CFAP57: variants seen among roughly 807,000 people sequenced by gnomAD.
CFAP57 encodes the protein cilia- and flagella-associated protein 57.
A neutral mutation model predicts 146.8 loss-of-function variants in CFAP57; 116 were observed. The ratio of observed to expected loss-of-function variants is 0.79; its 90% CI spans 0.68 to 0.92. The LOEUF is 0.92. Ranked by LOEUF, CFAP57 falls within the 40% of genes least tolerant of loss-of-function variation. The pLI is 0.00. For synonymous variants in CFAP57, 518 were observed against 552.8 expected (o/e 0.94, Z 0.88); for missense variants, 1,377 against 1,527.2 (o/e 0.90, Z 1.64).
At chr1:43,204,123 G>T (rs1363043005) in intron 9 of CFAP57, among the ~76,000 whole-genome samples, 1 of 152,140 alleles carries the variant, frequency 6.6e-6, no homozygotes, top group African/African-American at 2.4e-5. Flanking sequence ...GCCTTCCAGT[G>T]AATTTTTCGT....
At chr1:43,208,650 G>T (rs1391736691) in intron 10 of CFAP57, among the ~76,000 whole-genome samples, 1 of 152,156 alleles carries the variant, frequency 6.6e-6, no homozygotes, top group Non-Finnish European at 1.5e-5. Flanking sequence ...GTCGTGGGAT[G>T]GGGGGAACAG....
chr1:43,247,551 T>TA (rs1557838090), intron 22 of CFAP57, among the ~76,000 whole-genome samples: 1 of 152,216 alleles, frequency 6.6e-6, no homozygotes, highest in Admixed American at 6.5e-5. Context: ...TTAACTGTAT[T>TA]AAAAAAGAAC....
At chr1:43,212,980 C>T (rs1466588233) in intron 11 of CFAP57, among the ~76,000 whole-genome samples, 1 of 150,824 alleles carries the variant, frequency 6.6e-6, no homozygotes, top group East Asian at 1.9e-4. Flanking sequence ...AAACTGATTT[C>T]TTCTATCTAA....
At chr1:43,209,656 T>C (rs1347140886) in intron 10 of CFAP57, 87 bp from the exon 11 acceptor site, 8 of 1,340,302 alleles carry the variant, frequency 6.0e-6, no homozygotes, top group East Asian at 2.4e-5. Context: ...TAGGGATCTG[T>C]TAGAGCAGAG....
chr1:43,200,328 G>C (rs921111457), intron 9 of CFAP57, among the ~76,000 whole-genome samples: 2 of 151,764 alleles, frequency 1.3e-5, no homozygotes. Flanking sequence ...TCTACAAAAA[G>C]TAAAAAATAT....
At chr1:43,227,753 A>G (rs1181368864) in intron 18 of CFAP57, among the ~76,000 whole-genome samples, 1 of 152,148 alleles carries the variant, frequency 6.6e-6, no homozygotes, top group Non-Finnish European at 1.5e-5. Context: ...GTGTTGCCCC[A>G]TCAGCCTCCC....
rs761788587 is a variant in CFAP57, at chr1:43,197,550, T to C, written c.1123-3T>C. On this transcript the variant is annotated splice_polypyrimidine_tract_variant and splice_region_variant and intron_variant, in intron 6 of 22. Coordinates refer to ENST00000372492, the MANE Select transcript of CFAP57 (RefSeq NM_001378189.1). ...GGGATCTTGTTCTGTGTGATTTCTC[T>C]AGGGGGAGCCTGCTCACTTTGAGTA... The C allele has an allele frequency of 3.7e-6, 6 of 1,614,168 alleles. No homozygotes were observed. The highest frequency in any genetic ancestry group is 5.1e-6 in the Non-Finnish European group (6 of 1,180,018).
At chr1:43,191,308 C>A (rs1318589037) in intron 6 of CFAP57, among the ~76,000 whole-genome samples, 1 of 152,108 alleles carries the variant, frequency 6.6e-6, no homozygotes, top group Non-Finnish European at 1.5e-5. Context: ...CCTCTTTTGG[C>A]CGGGCGTGGT....
intron 22 of CFAP57, among the ~76,000 whole-genome samples, chr1:43,248,967 C>T (rs1288182770): frequency 5.3e-5 from 8 of 150,510 alleles, no homozygotes; most frequent in Non-Finnish European, 8.9e-5. Flanking sequence ...GTGCAAGCTC[C>T]GCCTCCCGGG....
chr1:43,237,400 A>T (rs1557825720), intron 21 of CFAP57, among the ~76,000 whole-genome samples: 1 of 152,218 alleles, frequency 6.6e-6, no homozygotes, highest in Non-Finnish European at 1.5e-5. Context: ...CTTCTTGTAC[A>T]GCAAGCTCTG....
intron 7 of CFAP57, 152 bp from the exon 8 acceptor site, chr1:43,198,329 C>A: frequency 1.1e-6 from 1 of 880,192 alleles, no homozygotes. Flanking sequence ...ACATTATCCC[C>A]TAATAACCAA....
chr1:43,209,232 G>A (rs773036619), intron 10 of CFAP57, among the ~76,000 whole-genome samples: 2 of 152,168 alleles, frequency 1.3e-5, no homozygotes, highest in Non-Finnish European at 2.9e-5. Flanking sequence ...CTTATGTAAT[G>A]AGCATTAATA....
intron 9 of CFAP57, 85 bp downstream of exon 9, chr1:43,199,588 G>A: frequency 8.3e-7 from 1 of 1,199,272 alleles, no homozygotes. Context: ...GAACAAAAGA[G>A]AGATGGTTCC....
chr1:43,212,908 G>A (rs1644676059), intron 11 of CFAP57, among the ~76,000 whole-genome samples: 1 of 142,396 alleles, frequency 7.0e-6, no homozygotes, highest in South Asian at 2.2e-4. Context: ...TGCACTCTTA[G>A]CCTGGGCAAC....
chr1:43,212,763 G>A (rs899990838), intron 11 of CFAP57, among the ~76,000 whole-genome samples: 6 of 151,754 alleles, frequency 4.0e-5, no homozygotes, highest in Admixed American at 2.6e-4. Flanking sequence ...TGAAACCCCC[G>A]TCTCTACTAA....
At chr1:43,231,451 T>G (rs1190894265) in intron 18 of CFAP57, among the ~76,000 whole-genome samples, 2 of 152,158 alleles carry the variant, frequency 1.3e-5, no homozygotes, top group African/African-American at 2.4e-5. Context: ...CATAAGTCAT[T>G]AGGAGTTAGG....
chr1:43,187,500 AT>A (rs1479489468), intron 6 of CFAP57, among the ~76,000 whole-genome samples: 1 of 152,112 alleles, frequency 6.6e-6, no homozygotes, highest in Non-Finnish European at 1.5e-5. Context: ...TATGATTCAC[AT>A]ACAAATTGCC....
chr1:43,218,065 G>C (rs1399173074), intron 12 of CFAP57, among the ~76,000 whole-genome samples: 1 of 152,174 alleles, frequency 6.6e-6, no homozygotes, highest in Non-Finnish European at 1.5e-5. Flanking sequence ...ATCCTCACTA[G>C]TCTGCTGGCC....
intron 11 of CFAP57, among the ~76,000 whole-genome samples, chr1:43,213,717 G>A (rs1489452261): frequency 6.6e-6 from 1 of 152,042 alleles, no homozygotes; most frequent in Non-Finnish European, 1.5e-5. Context: ...GCCAGAATCT[G>A]TTATTTGTTG....
Sources: allele counts gnomAD v4.1 joint callset (sites outside exome capture counted in the v4.1 genomes callset), GRCh38; gene constraint gnomAD v4.1.1; transcripts MANE v1.5; gene names NCBI Gene and HGNC (gene_info 2026-07-23, HGNC 2026-07-21).